The following DENND6B variants were observed in gnomAD, a reference collection of about 807,000 sequenced individuals.
DENND6B encodes the protein DENN domain containing 6B.
Under a neutral mutation model 85.1 loss-of-function variants are expected in DENND6B, and 73 were observed. The observed-to-expected ratio is 0.86, with a 90% CI of 0.71 to 1.04. DENND6B has a LOEUF of 1.04. DENND6B is among the 50% of genes least tolerant of loss of function. DENND6B has a pLI of 0.00. For missense variants in DENND6B, 715 were observed against 785.8 expected, an observed-to-expected ratio of 0.91 and a Z score of 1.08; for synonymous variants, 357 against 329.3, an observed-to-expected ratio of 1.08 and a Z score of -0.91.
intron 15 of DENND6B, 58 bp downstream of exon 15, chr22:50,313,577 A>T (rs1407832978): frequency 2.1e-5 from 3 of 145,994 alleles, no homozygotes; most frequent in Non-Finnish European, 3.2e-5. Context: ...GTCCCCCCCA[A>T]CCCCATCCCC....
intron 9 of DENND6B, 22 bp from the exon 10 acceptor site, chr22:50,314,943 G>A (rs377020954): frequency 6.2e-5 from 99 of 1,605,998 alleles, no homozygotes; most frequent in East Asian, 2.2e-4. Flanking sequence ...CAGGAAGGTC[G>A]GGGAGGTCAG....
At chr22:50,323,271 A>G (rs931640595) in intron 1 of DENND6B, among the ~76,000 whole-genome samples, 4 of 141,464 alleles carry the variant, frequency 2.8e-5, no homozygotes, top group African/African-American at 1.0e-4. Context: ...TTGTGCCACC[A>G]TGCCTGGCTC....
At chr22:50,314,356 G>C in intron 12 of DENND6B, 44 bp downstream of exon 12, 1 of 1,572,346 alleles carries the variant, frequency 6.4e-7, no homozygotes, top group Non-Finnish European at 8.6e-7. Flanking sequence ...CACACTCAAC[G>C]AGGCTTCTGA....
chr22:50,317,454 T>G (rs932939307), intron 4 of DENND6B, 81 bp from the exon 5 acceptor site: 1 of 1,469,470 alleles, frequency 6.8e-7, no homozygotes, highest in Non-Finnish European at 9.4e-7. Context: ...GCAAGGAGCA[T>G]GCAGGGACTG....
chr22:50,312,528 C>T lies in DENND6B; in HGVS notation c.1555G>A (p.Glu519Lys). Residue 519 changes from glutamate (E) to lysine (K), a missense_variant, in exon 18 of 20, where the codon GAG becomes AAG. By Grantham distance (56) the Glu-to-Lys change is moderately conservative. Coordinates refer to ENST00000413817, the MANE Select transcript of DENND6B (RefSeq NM_001001794.4). ...CAACCCCCAGCCTCTCTCACCGCCT[C>T]ACAGATAGCCTCCAGGTGCAGGGCC... Reference protein sequence around the residue: ...LEALHLEAICEANIETWMKDK... With the variant: ...LEALHLEAICKANIETWMKDK... 2 of 1,587,822 alleles carry T rather than the reference C, an allele frequency of 1.3e-6. No homozygotes were observed. Among genetic ancestry groups the T allele is most frequent in the Non-Finnish European group, 1.7e-6 (2 of 1,167,976 alleles).
chr22:50,326,721 C>A, intron 1 of DENND6B, 91 bp downstream of exon 1: 1 of 1,165,334 alleles, frequency 8.6e-7, no homozygotes, highest in Non-Finnish European at 1.1e-6. Flanking sequence ...AGGGAGAGTG[C>A]GGGGCGGCCG....
chr22:50,324,447 A>G (rs67447900), intron 1 of DENND6B, among the ~76,000 whole-genome samples: 69,813 of 152,054 alleles, frequency 0.46, 16,537 homozygotes, highest in South Asian at 0.62. Flanking sequence ...TTTTTGAGAC[A>G]GAGTTTCACT....
rs773481734 is a variant in DENND6B at position 50,313,729 on chromosome 22, A to C, written c.1204-5T>G. On this transcript the variant is annotated splice_polypyrimidine_tract_variant and splice_region_variant and intron_variant, in intron 14 of 19. Coordinates refer to ENST00000413817, the MANE Select transcript of DENND6B (RefSeq NM_001001794.4). ...CGGCCGCTTCTTCTGCACGCCCTGC[A>C]GGGGAGAGAGGGCCAGGCCCTTGCT... is the stretch of plus-strand genomic sequence containing the variant. The C allele has an allele frequency of 5.0e-6, 8 of 1,603,944 alleles. No homozygotes were observed. Among genetic ancestry groups the C allele is most frequent in the Non-Finnish European group, 6.8e-6 (8 of 1,176,786 alleles).
intron 1 of DENND6B, among the ~76,000 whole-genome samples, chr22:50,322,890 G>C (rs2042090437): frequency 6.7e-6 from 1 of 148,668 alleles, no homozygotes; most frequent in Non-Finnish European, 1.5e-5. Flanking sequence ...TTGCCCTGTT[G>C]CTCAGGCTGG....
intron 1 of DENND6B, among the ~76,000 whole-genome samples, chr22:50,326,053 G>A (rs1243853852): frequency 6.6e-6 from 1 of 152,254 alleles, no homozygotes; most frequent in South Asian, 2.1e-4. Flanking sequence ...GGCCTCCCCT[G>A]TGCTGGTCAG....
At position 50,313,506 on chromosome 22, in the gene DENND6B, G is replaced by T; in HGVS notation, c.1294-7C>A. On this transcript the variant is annotated splice_polypyrimidine_tract_variant and splice_region_variant and intron_variant, in intron 15 of 19. Coordinates refer to ENST00000413817, the MANE Select transcript of DENND6B (RefSeq NM_001001794.4). ...GGCTGGCCATGTAGTGCTCCTGGGT[G>T]GGGAAGGGAGGGGAGTGAGCCCGGG... 6.5e-7 allele frequency: 1 copy of T among 1,545,208 alleles called. No individual in the cohort carries two copies. Among genetic ancestry groups the T allele is most frequent in the Non-Finnish European group, 8.7e-7 (1 of 1,144,166 alleles).
At chr22:50,314,341 G>C in intron 12 of DENND6B, 59 bp downstream of exon 12, 3 of 1,581,006 alleles carry the variant, frequency 1.9e-6, no homozygotes, top group Non-Finnish European at 2.6e-6. Flanking sequence ...GCTCTGAGGC[G>C]GCCCCACACT....
Position 50,311,945 on chromosome 22 carries a change from C to T in DENND6B, c.*194G>A. The T allele has an allele frequency of 1.0e-6, 1 of 970,582 alleles. No individual in the cohort carries two copies. The highest frequency in any genetic ancestry group is 1.7e-5 in the South Asian group (1 of 57,812). The allele number at this position is 970,582 out of a possible 1,614,324, so 60.1% of individuals were successfully genotyped here. On this transcript the variant is annotated 3_prime_UTR_variant, in exon 20 of 20. Transcript: ENST00000413817. ...GCAAGGCTCTGCCTGCGAGGAACCC[C>T]TATGGTCAAGGCCATGCTGTGGTTC... is the stretch of plus-strand genomic sequence containing the variant.
chr22:50,309,114 G>A lies in DENND6B; in HGVS notation c.*3025C>T, dbSNP rs1487297015. 6.6e-6 allele frequency: 1 copy of A among 152,270 alleles called. No individual in the cohort carries two copies. The highest frequency in any genetic ancestry group is 1.5e-5 in the Non-Finnish European group (1 of 68,068). The allele number at this position is 152,270 out of a possible 1,614,324, so 9.4% of individuals were successfully genotyped here. On this transcript the variant is annotated 3_prime_UTR_variant, in exon 20 of 20. Coordinates refer to ENST00000413817, the MANE Select transcript of DENND6B (RefSeq NM_001001794.4). ...AAAGGGAGTCTTTAAATAGCCAGCA[G>A]GAAGCTTGAGGGTGAGCAGCTGTCC...
At chr22:50,323,127 A>G (rs1464362540) in intron 1 of DENND6B, among the ~76,000 whole-genome samples, 2 of 139,360 alleles carry the variant, frequency 1.4e-5, no homozygotes, top group African/African-American at 2.7e-5. Flanking sequence ...TCAGCCTCCT[A>G]AAGTGCTGGG....
At chr22:50,325,996 G>A (rs1039822067) in intron 1 of DENND6B, among the ~76,000 whole-genome samples, 1 of 152,230 alleles carries the variant, frequency 6.6e-6, no homozygotes, top group East Asian at 1.9e-4. Flanking sequence ...TACCCCTCAC[G>A]AGGTTCCTTG....
At chr22:50,319,689 C>CACGGGGCCCCGCCTGGCTG in intron 1 of DENND6B, among the ~76,000 whole-genome samples, 4 of 152,208 alleles carry the variant, frequency 2.6e-5, no homozygotes, top group African/African-American at 9.7e-5. Context: ...GGGCCCCGGT[C>CACGGGGCCCCGCCTGGCTG]GTGCTGCTCC....
chr22:50,314,569 A>C, intron 11 of DENND6B, 36 bp downstream of exon 11: 1 of 1,555,240 alleles, frequency 6.4e-7, no homozygotes, highest in Non-Finnish European at 8.7e-7. Context: ...GGCAGGGCGG[A>C]GCAAGGGCAA....
chr22:50,315,917 C>A, intron 8 of DENND6B, 108 bp downstream of exon 8: 3 of 1,572,502 alleles, frequency 1.9e-6, no homozygotes, highest in South Asian at 1.2e-5. Flanking sequence ...GGTTTGACAA[C>A]CCCGCAGGGT....
Sources: allele counts gnomAD v4.1 joint callset (sites outside exome capture counted in the v4.1 genomes callset), GRCh38; gene constraint gnomAD v4.1.1; transcripts MANE v1.5; gene names NCBI Gene and HGNC (gene_info 2026-07-23, HGNC 2026-07-21).